The following EPB41L2 variants were observed in gnomAD, a reference collection of about 807,000 sequenced individuals.
The protein encoded by EPB41L2 is erythrocyte membrane protein band 4.1 like 2, also known as band 4.1-like protein 2.
A neutral mutation model predicts 113.0 loss-of-function variants in EPB41L2; 43 were observed. The ratio of observed to expected loss-of-function variants is 0.38; its 90% CI spans 0.30 to 0.49. The LOEUF is 0.49. EPB41L2 is among the 20% of genes least tolerant of loss of function. The pLI, the probability that EPB41L2 is intolerant of heterozygous loss-of-function variation, is 0.95. For synonymous variants in EPB41L2, 442 were observed against 436.7 expected, an observed-to-expected ratio of 1.01 and a Z score of -0.15; for missense variants, 1,147 against 1,223.4, an observed-to-expected ratio of 0.94 and a Z score of 0.93.
chr6:131,058,244 C>T (rs1266705359), intron 1 of EPB41L2, among the ~76,000 whole-genome samples: 1 of 152,124 alleles, frequency 6.6e-6, no homozygotes, highest in African/African-American at 2.4e-5. Flanking sequence ...ACTCATAGAT[C>T]ACATGAAATC....
intron 1 of EPB41L2, chr6:131,014,330 G>T (rs1221691501): frequency 6.6e-6 from 1 of 152,184 alleles, no homozygotes; most frequent in Non-Finnish European, 1.5e-5. Context: ...AGCCAATGCT[G>T]CCTTTTAAAT....
At chr6:130,883,537 C>T (rs956460684) in intron 12 of EPB41L2, among the ~76,000 whole-genome samples, 3 of 152,162 alleles carry the variant, frequency 2.0e-5, no homozygotes, top group African/African-American at 7.2e-5. Context: ...TCACCGCAGA[C>T]AAGGAGGATT....
chr6:130,991,966 A>G (rs1288345692), intron 1 of EPB41L2, among the ~76,000 whole-genome samples: 1 of 152,196 alleles, frequency 6.6e-6, no homozygotes, highest in African/African-American at 2.4e-5. Flanking sequence ...TTGGATAGAA[A>G]TCCTAGGAGA....
At chr6:130,841,185 T>A (rs1181163164) in intron 19 of EPB41L2, among the ~76,000 whole-genome samples, 1 of 142,758 alleles carries the variant, frequency 7.0e-6, no homozygotes, top group Non-Finnish European at 1.5e-5. Flanking sequence ...GTCTATTCTT[T>A]AATAGACTGA....
chr6:130,954,040 CTTTTTTTTTTTTTTTTTTTTTTTTT>C (rs780758511), intron 3 of EPB41L2, among the ~76,000 whole-genome samples: 3 of 58,850 alleles, frequency 5.1e-5, no homozygotes, highest in Non-Finnish European at 9.9e-5. Context: ...CCTTTTCTTT[CTTTTTTTTTTTTTTTTTTTTTTTTT>C]TTTTTGAGAC....
At chr6:131,056,601 C>T (rs1263576823) in intron 1 of EPB41L2, among the ~76,000 whole-genome samples, 1 of 152,186 alleles carries the variant, frequency 6.6e-6, no homozygotes, top group Admixed American at 6.5e-5. Flanking sequence ...AATCTGCTTA[C>T]CACATATTCA....
intron 3 of EPB41L2, among the ~76,000 whole-genome samples, chr6:130,938,362 C>CA (rs371239073): frequency 1.3e-5 from 2 of 152,228 alleles, no homozygotes; most frequent in African/African-American, 4.8e-5. Context: ...GGATGACTAA[C>CA]AAAGTAAAAT....
intron 1 of EPB41L2, among the ~76,000 whole-genome samples, chr6:131,038,797 T>G (rs1174571765): frequency 6.6e-6 from 1 of 152,182 alleles, no homozygotes; most frequent in African/African-American, 2.4e-5. Context: ...TTCAAAGTAT[T>G]TCAAACTGGC....
chr6:131,036,789 A>G (rs897134543), intron 1 of EPB41L2, among the ~76,000 whole-genome samples: 5 of 152,166 alleles, frequency 3.3e-5, no homozygotes, highest in African/African-American at 4.8e-5. Context: ...TAAACAAAGG[A>G]GAAAAAAACA....
At chr6:130,934,944 T>G (rs778156292) in intron 3 of EPB41L2, among the ~76,000 whole-genome samples, 7 of 152,158 alleles carry the variant, frequency 4.6e-5, no homozygotes, top group Non-Finnish European at 8.8e-5. Context: ...ATATTTTTCT[T>G]GTATACTATT....
rs574530661 is a variant in EPB41L2 at position 130,955,219 on chromosome 6, C to T, written c.591G>A (p.Val197=). The change falls in exon 3 of 20, where the codon GTG becomes GTA. Residue 197 remains valine (V), a synonymous_variant. Coordinates refer to ENST00000337057, the MANE Select transcript of EPB41L2 (RefSeq NM_001431.4). Reference sequence around the variant, plus strand: ...TCTCTGCTTTCAGCTCATTGGTCTGCACTTCCTTGGTCTCCCTTTTTGCTG... The same window carrying T: ...TCTCTGCTTTCAGCTCATTGGTCTGTACTTCCTTGGTCTCCCTTTTTGCTG... ...GGAAKRETKE[V]QTNELKAEKA... 51 of 1,614,152 alleles carry T rather than the reference C, an allele frequency of 3.2e-5. 1 individual carries two copies. In the Middle Eastern group the frequency reaches 8.2e-4, roughly 26 times the overall value.
chr6:130,974,322 C>T (rs1554307899), intron 1 of EPB41L2, among the ~76,000 whole-genome samples: 1 of 151,882 alleles, frequency 6.6e-6, no homozygotes, highest in Non-Finnish European at 1.5e-5. Flanking sequence ...CTTAGAGTAA[C>T]TGTGAGAAAT....
intron 7 of EPB41L2, 123 bp downstream of exon 7, chr6:130,900,839 G>A: frequency 8.7e-7 from 1 of 1,144,368 alleles, no homozygotes; most frequent in Non-Finnish European, 1.3e-6. Context: ...TTAGTGCTAG[G>A]TGAAACTCCA....
At chr6:130,955,938 T>A in intron 2 of EPB41L2, 56 bp downstream of exon 2, 1 of 1,547,232 alleles carries the variant, frequency 6.5e-7, no homozygotes, top group Non-Finnish European at 8.6e-7. Flanking sequence ...AAACCCTTTT[T>A]ATTATGTGGT....
At chr6:130,969,589 G>T (rs968948404) in intron 1 of EPB41L2, among the ~76,000 whole-genome samples, 1 of 152,058 alleles carries the variant, frequency 6.6e-6, no homozygotes. Context: ...TTTACTTAGG[G>T]TGTGACAATA....
intron 3 of EPB41L2, among the ~76,000 whole-genome samples, chr6:130,949,127 C>A (rs1245848057): frequency 6.6e-6 from 1 of 152,150 alleles, no homozygotes; most frequent in Non-Finnish European, 1.5e-5. Context: ...ATTTCAAAGT[C>A]TTAATAAATT....
At chr6:130,889,566 G>A (rs1272370427) in intron 11 of EPB41L2, among the ~76,000 whole-genome samples, 3 of 152,086 alleles carry the variant, frequency 2.0e-5, no homozygotes, top group Non-Finnish European at 4.4e-5. Context: ...AGCTACTAAA[G>A]CTTTCTCATA....
At position 130,900,998 on chromosome 6, in the gene EPB41L2, A is replaced by T; in HGVS notation, c.1112T>A (p.Leu371Gln). 1.9e-6 allele frequency: 3 copies of T among 1,614,152 alleles called. No individual in the cohort carries two copies. The highest frequency in any genetic ancestry group is 1.6e-4 in the Middle Eastern group (1 of 6,062). Residue 371 changes from leucine to glutamine, a missense_variant, in exon 7 of 20, where the codon CTG (leucine) becomes CAG (glutamine). Leu to Gln is a moderately radical substitution (Grantham distance 113). Transcript: ENST00000337057. ...FQFAPTQTKE[L>Q]EEKVAELHKT... ...GTGCAGCTCTGCCACCTTCTCTTCC[A>T]GCTCCTTAGTCTGAGTAGGGGCAAA... is the stretch of plus-strand genomic sequence containing the variant.
chr6:130,927,581 T>C (rs572359416), intron 3 of EPB41L2, among the ~76,000 whole-genome samples: 1 of 152,246 alleles, frequency 6.6e-6, no homozygotes, highest in African/African-American at 2.4e-5. Context: ...CCATCAGACT[T>C]TTCCATCCTC....
Sources: gnomAD v4.1 joint callset for allele counts (sites outside exome capture counted in the v4.1 genomes callset) on GRCh38, gnomAD v4.1.1 for gene constraint, MANE v1.5 for transcripts, NCBI Gene and HGNC (gene_info 2026-07-23, HGNC 2026-07-21) for gene names.